The following A1CF variants were observed in gnomAD, a reference collection of about 807,000 sequenced individuals.
The protein encoded by A1CF is APOBEC-1 stimulating protein.
Under a neutral mutation model 68.9 loss-of-function variants are expected in A1CF, and 48 were observed. That is an observed-to-expected ratio of 0.70 (90% CI 0.55 to 0.89). A1CF has a LOEUF of 0.89. Ranked by LOEUF, A1CF falls within the 40% of genes least tolerant of loss-of-function variation. The pLI, the probability that A1CF is intolerant of heterozygous loss-of-function variation, is 0.00. For missense variants in A1CF, 653 were observed against 718.9 expected (o/e 0.91, Z 1.05); for synonymous variants, 272 against 260.4 (o/e 1.04, Z -0.43).
chr10:50,832,511 CT>C (rs1839297942), intron 6 of A1CF, among the ~76,000 whole-genome samples: 2 of 152,128 alleles, frequency 1.3e-5, no homozygotes, highest in Admixed American at 1.3e-4. Context: ...CTGCATAAGG[CT>C]AAGGGAACAG....
At chr10:50,816,599 G>A (rs1377218803) in intron 8 of A1CF, 1 of 232,748 alleles carries the variant, frequency 4.3e-6, no homozygotes, top group Non-Finnish European at 8.4e-6. Context: ...GGTCATATAT[G>A]TGTTTTAAAT....
At chr10:50,830,170 C>T (rs1349464127) in intron 6 of A1CF, among the ~76,000 whole-genome samples, 1 of 152,016 alleles carries the variant, frequency 6.6e-6, no homozygotes, top group Non-Finnish European at 1.5e-5. Flanking sequence ...ATCGTTTGAC[C>T]AATATCTCTC....
At position 50,816,279 on chromosome 10, in the gene A1CF, C is replaced by T; in HGVS notation, c.868G>A (p.Val290Met). Residue 290 changes from valine to methionine, a missense_variant and splice_region_variant, in exon 9 of 13, where the codon GTG (valine) becomes ATG (methionine). By Grantham distance (21) the Val-to-Met change is conservative. Coordinates refer to ENST00000373997, the MANE Select transcript of A1CF (RefSeq NM_014576.4). ...VEAMKALNGK[V>M]LDGSPIEVTL... Reference sequence around the variant, plus strand: ...ACTTCAATGGGGGAACCATCCAGCACCTGTTGTAGAGAGCAAAGAAATATC... The same window carrying T: ...ACTTCAATGGGGGAACCATCCAGCATCTGTTGTAGAGAGCAAAGAAATATC... The T allele has an allele frequency of 6.2e-7, 1 of 1,613,088 alleles. No individual in the cohort carries two copies. Among genetic ancestry groups the T allele is most frequent in the Non-Finnish European group, 8.5e-7 (1 of 1,179,490 alleles).
At chr10:50,856,721 T>C (rs1428880812) in intron 3 of A1CF, among the ~76,000 whole-genome samples, 1 of 152,118 alleles carries the variant, frequency 6.6e-6, no homozygotes, top group African/African-American at 2.4e-5. Context: ...TATCACACAG[T>C]GTATAGTAAG....
intron 7 of A1CF, among the ~76,000 whole-genome samples, chr10:50,827,532 T>C (rs1839011864): frequency 6.6e-6 from 1 of 152,190 alleles, no homozygotes; most frequent in Non-Finnish European, 1.5e-5. Flanking sequence ...CCTGAATGAC[T>C]ACTGAGTACA....
chr10:50,878,318 C>T (rs1841612096), intron 1 of A1CF, among the ~76,000 whole-genome samples: 1 of 152,186 alleles, frequency 6.6e-6, no homozygotes, highest in Non-Finnish European at 1.5e-5. Flanking sequence ...TTGTAATCAA[C>T]ACAGAAATAT....
intron 3 of A1CF, among the ~76,000 whole-genome samples, chr10:50,849,139 T>G (rs1354593506): frequency 6.6e-6 from 1 of 152,190 alleles, no homozygotes; most frequent in African/African-American, 2.4e-5. Context: ...AGGATCCTCT[T>G]CAATGTGATT....
At chr10:50,884,703 T>A (rs1044013954) in intron 1 of A1CF, among the ~76,000 whole-genome samples, 1 of 152,214 alleles carries the variant, frequency 6.6e-6, no homozygotes, top group Admixed American at 6.6e-5. Flanking sequence ...AAAAGTCCTA[T>A]AGTAAATAAA....
chr10:50,861,917 A>G (rs1840764733), intron 2 of A1CF, among the ~76,000 whole-genome samples: 1 of 149,636 alleles, frequency 6.7e-6, no homozygotes, highest in South Asian at 2.1e-4. Flanking sequence ...GTATGCTAAT[A>G]CTATATATAT....
intron 3 of A1CF, chr10:50,850,888 A>AT: frequency 6.9e-7 from 1 of 1,458,076 alleles, no homozygotes; most frequent in Non-Finnish European, 9.2e-7. Flanking sequence ...TGTGTAATTT[A>AT]TTCAATAGGC....
chr10:50,809,882 AT>A lies in A1CF; in HGVS notation c.1609+11del. On this transcript the variant is annotated intron_variant, in intron 12 of 12. Transcript: ENST00000373997. ...TCTGCAGGGCGCCATTTCTGGCACA[AT>A]TTTCCCATACCTGGGAAAGCAGTAG... 1 of 1,613,612 alleles carries A rather than the reference AT, an allele frequency of 6.2e-7. No homozygotes were observed. Among genetic ancestry groups the A allele is most frequent in the Non-Finnish European group, 8.5e-7 (1 of 1,179,732 alleles).
At chr10:50,836,028 G>A (rs762146959) in intron 6 of A1CF, 46 bp downstream of exon 6, 10 of 1,488,364 alleles carry the variant, frequency 6.7e-6, no homozygotes, top group African/African-American at 2.8e-5. Context: ...GCGGAGGCAG[G>A]CAGGATAGGC....
At chr10:50,885,185 C>CG (rs943634772) in intron 1 of A1CF, among the ~76,000 whole-genome samples, 1 of 152,130 alleles carries the variant, frequency 6.6e-6, no homozygotes. Context: ...AACTCAAAAT[C>CG]TGCTGGTGAT....
At chr10:50,819,980 T>C (rs1838569534) in intron 8 of A1CF, among the ~76,000 whole-genome samples, 1 of 152,214 alleles carries the variant, frequency 6.6e-6, no homozygotes, top group South Asian at 2.1e-4. Context: ...ATTCTCTTTG[T>C]ATCCTAGCAT....
At chr10:50,829,811 A>C (rs1182319886) in intron 6 of A1CF, among the ~76,000 whole-genome samples, 1 of 152,206 alleles carries the variant, frequency 6.6e-6, no homozygotes, top group Non-Finnish European at 1.5e-5. Flanking sequence ...AGGTTTAAAA[A>C]ATAATGAAAC....
chr10:50,883,278 T>C (rs17592117), intron 1 of A1CF, among the ~76,000 whole-genome samples: 13,132 of 152,246 alleles, frequency 0.086, 809 homozygotes, highest in South Asian at 0.16. Context: ...CACATTTCTC[T>C]CCTTTGCTTT....
Position 50,864,467 on chromosome 10 carries a change from A to G in A1CF, c.-93-387T>C, listed in dbSNP as rs146614243. On this transcript the variant is annotated intron_variant, in intron 1 of 12. Transcript: ENST00000373997. ...ATGAGCAAAGGACACAAAGTATTGA[A>G]AGCCAGGGCTTCCTCTAGTTCTTAC... 4.3e-3 allele frequency among the ~76,000 whole-genome samples: 658 copies of G among 152,234 alleles called. 3 individuals carry two copies. Among genetic ancestry groups the G allele is most frequent in the Non-Finnish European group, 5.2e-3 (352 of 67,996 alleles).
chr10:50,816,290 G>C lies in A1CF; in HGVS notation c.868-11C>G. 6.2e-7 allele frequency: 1 copy of C among 1,611,980 alleles called. No homozygotes were observed. Among genetic ancestry groups the C allele is most frequent in the South Asian group, 1.1e-5 (1 of 90,950 alleles). On this transcript the variant is annotated splice_polypyrimidine_tract_variant and intron_variant, in intron 8 of 12. Coordinates refer to ENST00000373997, the MANE Select transcript of A1CF (RefSeq NM_014576.4). ...GGAACCATCCAGCACCTGTTGTAGA[G>C]AGCAAAGAAATATCAACGCGAGATG...
At chr10:50,872,429 G>A (rs187811666) in intron 1 of A1CF, among the ~76,000 whole-genome samples, 22 of 152,194 alleles carry the variant, frequency 1.4e-4, no homozygotes, top group African/African-American at 4.6e-4. Flanking sequence ...GCAGACAGAT[G>A]ATTTGAATTT....
Sources: allele counts gnomAD v4.1 joint callset (sites outside exome capture counted in the v4.1 genomes callset), GRCh38; gene constraint gnomAD v4.1.1; transcripts MANE v1.5; gene names NCBI Gene and HGNC (gene_info 2026-07-23, HGNC 2026-07-21).